The following SLC35F4 variants were observed in gnomAD, a reference collection of about 807,000 sequenced individuals.
The protein encoded by SLC35F4 is chromosome 14 open reading frame 36.
Under a neutral mutation model 44.2 loss-of-function variants are expected in SLC35F4, and 24 were observed. The observed-to-expected ratio is 0.54, with a 90% CI of 0.39 to 0.76. The LOEUF (loss-of-function observed/expected upper bound fraction) is 0.76, where lower values mean the gene tolerates loss of function less well. Ranked by LOEUF, SLC35F4 falls within the 30% of genes least tolerant of loss-of-function variation. SLC35F4 has a pLI of 0.00. For synonymous variants in SLC35F4, 238 were observed against 223.6 expected, an observed-to-expected ratio of 1.06 and a Z score of -0.57; for missense variants, 562 against 586.1, an observed-to-expected ratio of 0.96 and a Z score of 0.42.
At chr14:57,875,346 C>T (rs79492207) in intron 1 of SLC35F4, among the ~76,000 whole-genome samples, 45 of 152,320 alleles carry the variant, frequency 3.0e-4, no homozygotes, top group East Asian at 2.3e-3. Flanking sequence ...CTTACTACCA[C>T]GGCAGTAACG....
chr14:57,616,872 G>C (rs931629260), intron 1 of SLC35F4, among the ~76,000 whole-genome samples: 19 of 151,876 alleles, frequency 1.3e-4, no homozygotes, highest in African/African-American at 4.4e-4. Flanking sequence ...TCTTCTCCTG[G>C]CTATAGCTGA....
chr14:57,778,694 A>T (rs1193161244), intron 1 of SLC35F4, among the ~76,000 whole-genome samples: 2 of 152,192 alleles, frequency 1.3e-5, no homozygotes, highest in African/African-American at 4.8e-5. Flanking sequence ...TATGGTACAT[A>T]CTCTAAAATC....
intron 1 of SLC35F4, among the ~76,000 whole-genome samples, chr14:57,817,057 C>G (rs1424916375): frequency 1.3e-5 from 2 of 152,160 alleles, no homozygotes; most frequent in Non-Finnish European, 2.9e-5. Context: ...GACTCTGGAA[C>G]TAGTGACTCA....
intron 1 of SLC35F4, among the ~76,000 whole-genome samples, chr14:57,904,860 A>T (rs1159807175): frequency 2.0e-5 from 3 of 152,170 alleles, no homozygotes; most frequent in Non-Finnish European, 2.9e-5. Context: ...TATGCTTTTC[A>T]TTACTTCTCC....
intron 1 of SLC35F4, among the ~76,000 whole-genome samples, chr14:57,707,416 A>G (rs940919108): frequency 1.3e-5 from 2 of 152,152 alleles, no homozygotes; most frequent in Non-Finnish European, 2.9e-5. Flanking sequence ...TCGTTTTAAA[A>G]GCATCTGGCA....
At chr14:57,621,145 C>T (rs2072158412) in intron 1 of SLC35F4, among the ~76,000 whole-genome samples, 1 of 151,702 alleles carries the variant, frequency 6.6e-6, no homozygotes, top group Non-Finnish European at 1.5e-5. Context: ...GAACTACAAA[C>T]CACTGCTCAA....
chr14:57,868,801 A>G (rs990740945), upstream of SLC35F4, among the ~76,000 whole-genome samples: 3 of 152,192 alleles, frequency 2.0e-5, 1 homozygote, highest in East Asian at 3.9e-4. Context: ...TTATGTTTGC[A>G]TGTTTAGTCT....
intron 6 of SLC35F4, among the ~76,000 whole-genome samples, chr14:57,569,094 T>A (rs575439638): frequency 6.6e-6 from 1 of 152,238 alleles, no homozygotes; most frequent in Non-Finnish European, 1.5e-5. Flanking sequence ...TCGAGGTGAC[T>A]TTTTCTTGGC....
At chr14:57,836,926 TA>T (rs1426692734) in intron 1 of SLC35F4, among the ~76,000 whole-genome samples, 1 of 152,200 alleles carries the variant, frequency 6.6e-6, no homozygotes, top group East Asian at 1.9e-4. Flanking sequence ...TCCAGAACAT[TA>T]AAATTTTACA....
intron 1 of SLC35F4, among the ~76,000 whole-genome samples, chr14:57,785,527 AC>A (rs2077733818): frequency 6.6e-6 from 1 of 152,140 alleles, no homozygotes; most frequent in Non-Finnish European, 1.5e-5. Flanking sequence ...TCCCGAGAGG[AC>A]CCACAGACCC....
At chr14:57,873,876 C>T (rs577287252) in intron 1 of SLC35F4, among the ~76,000 whole-genome samples, 14 of 152,242 alleles carry the variant, frequency 9.2e-5, no homozygotes, top group African/African-American at 3.4e-4. Context: ...GCAATTATCT[C>T]CTTTCCATGG....
chr14:57,772,472 C>T (rs1040217373), intron 1 of SLC35F4, among the ~76,000 whole-genome samples: 3 of 151,926 alleles, frequency 2.0e-5, no homozygotes, highest in Non-Finnish European at 4.4e-5. Flanking sequence ...TATTTACTAC[C>T]CAAATAGTGA....
At chr14:57,890,684 T>C (rs760226614) in intron 1 of SLC35F4, among the ~76,000 whole-genome samples, 3 of 152,152 alleles carry the variant, frequency 2.0e-5, no homozygotes, top group Non-Finnish European at 2.9e-5. Flanking sequence ...TGTGGATTCA[T>C]ATTTTAAGCA....
chr14:57,737,149 G>C (rs776832438), intron 1 of SLC35F4, among the ~76,000 whole-genome samples: 4 of 151,660 alleles, frequency 2.6e-5, no homozygotes, highest in Non-Finnish European at 4.4e-5. Context: ...TTAGGAGAGA[G>C]AGAATGAAAG....
At chr14:57,759,036 T>C (rs2077061815) in intron 1 of SLC35F4, among the ~76,000 whole-genome samples, 2 of 152,220 alleles carry the variant, frequency 1.3e-5, no homozygotes, top group South Asian at 4.1e-4. Context: ...TCCCCTGGAA[T>C]CATCTATGTT....
At chr14:57,837,739 G>T (rs1885079520) in intron 1 of SLC35F4, 1 of 152,174 alleles carries the variant, frequency 6.6e-6, no homozygotes, top group African/African-American at 2.4e-5. Context: ...CTAGAAAGGG[G>T]CTTTTGTGCC....
intron 1 of SLC35F4, among the ~76,000 whole-genome samples, chr14:57,703,444 C>CAACA (rs1182203651): frequency 6.6e-6 from 1 of 152,186 alleles, no homozygotes; most frequent in Non-Finnish European, 1.5e-5. Flanking sequence ...CCCAAGAGGC[C>CAACA]AACAGACAAA....
intron 1 of SLC35F4, among the ~76,000 whole-genome samples, chr14:57,612,493 C>G (rs979177671): frequency 6.6e-6 from 1 of 152,236 alleles, no homozygotes; most frequent in African/African-American, 2.4e-5. Context: ...CATTTTCCCT[C>G]TTCTGTGCAC....
intron 1 of SLC35F4, among the ~76,000 whole-genome samples, chr14:57,948,456 A>G (rs1439512365): frequency 6.6e-6 from 1 of 151,984 alleles, no homozygotes; most frequent in African/African-American, 2.4e-5. Flanking sequence ...ACGGTCTATC[A>G]ATTTTGTTTA....
Sources: allele counts gnomAD v4.1 joint callset (sites outside exome capture counted in the v4.1 genomes callset), GRCh38; gene constraint gnomAD v4.1.1; transcripts MANE v1.5; gene names NCBI Gene and HGNC (gene_info 2026-07-23, HGNC 2026-07-21).